The following RNF17 variants were observed in gnomAD, a reference collection of about 807,000 sequenced individuals.
RNF17 encodes the protein ring finger protein 17.
Under a neutral mutation model 200.5 loss-of-function variants are expected in RNF17, and 31 were observed. The observed-to-expected ratio is 0.15, with a 90% confidence interval of 0.12 to 0.21. RNF17 has a LOEUF of 0.21. Ranked by LOEUF, RNF17 falls within the 10% of genes least tolerant of loss-of-function variation. The pLI is 1.00. For synonymous variants in RNF17, 606 were observed against 637.8 expected (o/e 0.95, Z 0.75); for missense variants, 1,628 against 1,905.1 (o/e 0.85, Z 2.71).
intron 15 of RNF17, among the ~76,000 whole-genome samples, chr13:24,825,359 G>A (rs1281741893): frequency 6.6e-6 from 1 of 152,194 alleles, no homozygotes; most frequent in Non-Finnish European, 1.5e-5. Context: ...GTGAGTGTGT[G>A]TATGTATGGA....
In RNF17 at chr13:24,854,076, A is replaced by T. The variant is rs1270560191; in HGVS notation, c.3542A>T (p.Asn1181Ile). Reference protein sequence around the residue: ...GYKPPAIPNMNVFEATVSCVG... With the variant: ...GYKPPAIPNMIVFEATVSCVG... ...AAGCCACCAGCTATTCCTAACATGA[A>T]CGTATTTGAGGCAACAGTCAGCTGT... is the stretch of plus-strand genomic sequence containing the variant. The change falls in exon 25 of 36, where the codon AAC becomes ATC. Residue 1181 changes from asparagine to isoleucine, a missense_variant. By Grantham distance (149) the Asn-to-Ile change is moderately radical. Transcript: ENST00000255324. The T allele has an allele frequency of 4.3e-6, 7 of 1,613,888 alleles. No homozygotes were observed. In the African/African-American group the frequency reaches 6.7e-5, roughly 15 times the overall value.
the RNF17 span, among the ~76,000 whole-genome samples, chr13:24,758,490 T>C: frequency 1.3e-5 from 2 of 152,134 alleles, no homozygotes; most frequent in Non-Finnish European, 2.9e-5. Flanking sequence ...AGAAGAAGGT[T>C]CTAATTGGAA....
Position 24,799,377 on chromosome 13 carries a change from G to C in RNF17, c.1400-18G>C, listed in dbSNP as rs12865323. The C allele has an allele frequency of 0.17, 262,226 of 1,575,202 alleles. 24,052 individuals carry two copies. The highest frequency in any genetic ancestry group is 0.3 in the Admixed American group (16,624 of 54,628). The stretch of plus-strand genomic sequence containing the variant: ...TATTGATAAATGTTTATAACGATTT[G>C]TTTCCCTCATTATTTAGGTGCAAGA... On this transcript the variant is annotated intron_variant, in intron 11 of 35. Coordinates refer to ENST00000255324, the MANE Select transcript of RNF17 (RefSeq NM_031277.3).
chr13:24,781,959 AAT>A lies in RNF17; in HGVS notation c.611+18_611+19del. Reference sequence around the variant, plus strand: ...TTTGATTCCAGGTTAGTAACTTAAAAATATGGACTCAATGAAACTGAAGTTTC... The same window carrying A: ...TTTGATTCCAGGTTAGTAACTTAAAAATGGACTCAATGAAACTGAAGTTTC... On this transcript the variant is annotated intron_variant, in intron 6 of 35. Transcript: ENST00000255324. 6.7e-7 allele frequency: 1 copy of A among 1,483,464 alleles called. No homozygotes were observed. Among genetic ancestry groups the A allele is most frequent in the Non-Finnish European group, 9.4e-7 (1 of 1,064,392 alleles). The allele number at this position is 1,483,464 out of a possible 1,614,324, so 91.9% of individuals were successfully genotyped here.
chr13:24,839,579 A>G (rs932569380), intron 18 of RNF17, among the ~76,000 whole-genome samples: 4 of 152,078 alleles, frequency 2.6e-5, no homozygotes, highest in African/African-American at 9.7e-5. Context: ...AATAAACCCA[A>G]ATACTTACAG....
In RNF17 at chr13:24,790,091, A is replaced by C. The variant is rs1015336492; in HGVS notation, c.935+319A>C. ...AGAGGAAGAAGGACATGCAAACAATAAAATGCATAATTGCTAGGGTAATGT... is the reference window on the plus strand; with the variant it reads ...AGAGGAAGAAGGACATGCAAACAATCAAATGCATAATTGCTAGGGTAATGT... On this transcript the variant is annotated intron_variant, in intron 9 of 35. Transcript: ENST00000255324. 2.0e-5 allele frequency among the ~76,000 whole-genome samples: 3 copies of C among 152,198 alleles called. No individual in the cohort carries two copies. In the East Asian group the frequency reaches 5.8e-4, roughly 29 times the overall value.
At chr13:24,818,981 T>C (rs1048942999) in intron 15 of RNF17, among the ~76,000 whole-genome samples, 1 of 152,138 alleles carries the variant, frequency 6.6e-6, no homozygotes, top group Non-Finnish European at 1.5e-5. Context: ...CCCTCTTTTG[T>C]GTTTAGTTGC....
At chr13:24,834,434 G>GC (rs1566197695) in intron 18 of RNF17, among the ~76,000 whole-genome samples, 40 of 151,430 alleles carry the variant, frequency 2.6e-4, no homozygotes, top group East Asian at 2.0e-3. Context: ...ACAACAACAA[G>GC]AACAACAAAA....
At chr13:24,815,428 G>GGGGTGTGTGTGT (rs1296161698) in intron 15 of RNF17, among the ~76,000 whole-genome samples, 3 of 144,194 alleles carry the variant, frequency 2.1e-5, no homozygotes, top group African/African-American at 7.8e-5. Context: ...GCCCTAACGG[G>GGGGTGTGTGTGT]GTGTGTGTGT....
intron 19 of RNF17, among the ~76,000 whole-genome samples, chr13:24,843,294 G>A (rs749881433): frequency 5.3e-5 from 8 of 152,110 alleles, no homozygotes; most frequent in African/African-American, 1.4e-4. Flanking sequence ...TCAGGCAGGC[G>A]GATCATGAGG....
At chr13:24,786,244 CA>C (rs1439680760) in intron 6 of RNF17, among the ~76,000 whole-genome samples, 3 of 152,070 alleles carry the variant, frequency 2.0e-5, no homozygotes, top group Non-Finnish European at 4.4e-5. Context: ...GAAGTTATAA[CA>C]ATCTGTTTTG....
downstream of RNF17, chr13:24,884,577 C>T (rs1953956860): frequency 2.0e-6 from 2 of 999,324 alleles, no homozygotes; most frequent in African/African-American, 1.6e-5. Context: ...AAAACATTCC[C>T]TCAAAAGATC....
At position 24,778,353 on chromosome 13, in the gene RNF17, G is replaced by A. The variant is rs1484392176; in HGVS notation, c.376G>A (p.Glu126Lys). Residue 126 changes from glutamate to lysine, a missense_variant, in exon 4 of 36, where the codon GAA becomes AAA. By Grantham distance (56) the Glu-to-Lys change is moderately conservative. Transcript: ENST00000255324. ...KTADQLTTGL[E>K]RSASTDKTLL... The stretch of plus-strand genomic sequence containing the variant: ...TGCTGATCAGCTAACTACTGGTTTA[G>A]AACGTTCAGCCTCCACAGACAAGAC... The A allele has an allele frequency of 1.2e-6, 2 of 1,613,824 alleles. No individual in the cohort carries two copies. Among genetic ancestry groups the A allele is most frequent in the Non-Finnish European group, 1.7e-6 (2 of 1,179,872 alleles).
chr13:24,761,525 TA>T (rs2137826797), upstream of RNF17, among the ~76,000 whole-genome samples: 1 of 152,328 alleles, frequency 6.6e-6, no homozygotes, highest in African/African-American at 2.4e-5. Context: ...ATGCAATTTA[TA>T]AAAATTGTGT....
At chr13:24,792,918 G>A in intron 9 of RNF17, 124 bp from the exon 10 acceptor site, 2 of 637,642 alleles carry the variant, frequency 3.1e-6, no homozygotes, top group Non-Finnish European at 5.2e-6. Context: ...TGGGTCAGTG[G>A]CTATTGAATA....
chr13:24,825,149 T>C (rs1888484486), intron 15 of RNF17, among the ~76,000 whole-genome samples: 1 of 152,112 alleles, frequency 6.6e-6, no homozygotes, highest in African/African-American at 2.4e-5. Context: ...CTGTACTAGA[T>C]TATAAAAGTG....
At chr13:24,872,647 T>G (rs1894420231) in intron 32 of RNF17, among the ~76,000 whole-genome samples, 2 of 152,098 alleles carry the variant, frequency 1.3e-5, no homozygotes, top group African/African-American at 2.4e-5. Flanking sequence ...GTAAACCAAG[T>G]AGAGTATGAA....
downstream of RNF17, among the ~76,000 whole-genome samples, chr13:24,880,657 T>C (rs757671342): frequency 9.9e-5 from 15 of 152,260 alleles, no homozygotes; most frequent in Non-Finnish European, 1.5e-4. Flanking sequence ...TACCAGTTTT[T>C]TTCTCATAAA....
At chr13:24,783,509 A>G (rs989097498) in intron 6 of RNF17, among the ~76,000 whole-genome samples, 2 of 152,170 alleles carry the variant, frequency 1.3e-5, no homozygotes, top group African/African-American at 4.8e-5. Context: ...AAGTGTTCCA[A>G]TCTATGCACA....
Sources: gnomAD v4.1 joint callset for allele counts (sites outside exome capture counted in the v4.1 genomes callset) on GRCh38, gnomAD v4.1.1 for gene constraint, MANE v1.5 for transcripts, NCBI Gene and HGNC (gene_info 2026-07-23, HGNC 2026-07-21) for gene names.